The following KAZN variants were observed in gnomAD, a reference collection of about 807,000 sequenced individuals.
The protein encoded by KAZN is kazrin, periplakin interacting protein.
KAZN carries 40 observed loss-of-function variants against 87.4 expected under a neutral mutation model. The observed-to-expected ratio is 0.46, with a 90% CI of 0.36 to 0.60. KAZN has a LOEUF of 0.60. Ranked by LOEUF, KAZN falls within the 20% of genes least tolerant of loss-of-function variation. The pLI is 0.00. For synonymous variants in KAZN, 466 were observed against 458.3 expected (o/e 1.02, Z -0.22); for missense variants, 898 against 1,073.9 (o/e 0.84, Z 2.29).
intron 2 of KAZN, among the ~76,000 whole-genome samples, chr1:14,408,629 T>C (rs1664059926): frequency 6.6e-6 from 1 of 152,192 alleles, no homozygotes; most frequent in African/African-American, 2.4e-5. Flanking sequence ...CTAACCTTCT[T>C]ATAAGGACAC....
chr1:14,548,325 A>G (rs1673297208), intron 2 of KAZN, among the ~76,000 whole-genome samples: 1 of 151,844 alleles, frequency 6.6e-6, no homozygotes. Flanking sequence ...CAGCCTCCCA[A>G]GTAGCTGGGA....
At chr1:14,478,250 G>GAAGGAAGGAAGGA (rs1668870873) in intron 2 of KAZN, among the ~76,000 whole-genome samples, 1 of 53,946 alleles carries the variant, frequency 1.9e-5, no homozygotes, top group Admixed American at 1.9e-4. Flanking sequence ...GGAAGGAAAA[G>GAAGGAAGGAAGGA]AAGGAAGGAA....
At chr1:14,674,058 G>T (rs947766946) in intron 1 of KAZN, among the ~76,000 whole-genome samples, 1 of 152,190 alleles carries the variant, frequency 6.6e-6, no homozygotes, top group Non-Finnish European at 1.5e-5. Flanking sequence ...CTCATCTTAT[G>T]CATGGGGAAA....
chr1:14,512,087 T>G (rs990991963), intron 2 of KAZN, among the ~76,000 whole-genome samples: 1 of 152,124 alleles, frequency 6.6e-6, no homozygotes, highest in South Asian at 2.1e-4. Flanking sequence ...GACATCCAGC[T>G]TTCTTCTCAG....
At chr1:14,645,879 G>A (rs1373122087) in intron 1 of KAZN, among the ~76,000 whole-genome samples, 1 of 152,154 alleles carries the variant, frequency 6.6e-6, no homozygotes, top group African/African-American at 2.4e-5. Flanking sequence ...TGTTGGCTGT[G>A]GATTTGTCAT....
At chr1:14,876,535 T>C (rs1451984043) in intron 1 of KAZN, among the ~76,000 whole-genome samples, 1 of 152,138 alleles carries the variant, frequency 6.6e-6, no homozygotes, top group African/African-American at 2.4e-5. Context: ...TGTGTAGTAG[T>C]TAAGTGGAGG....
chr1:14,168,073 C>T (rs1248607488), intron 1 of KAZN, among the ~76,000 whole-genome samples: 3 of 152,202 alleles, frequency 2.0e-5, no homozygotes, highest in African/African-American at 7.2e-5. Flanking sequence ...TCCTTGGCGC[C>T]GCTTCCTCTT....
intron 8 of KAZN, among the ~76,000 whole-genome samples, chr1:15,074,935 G>T (rs1639672210): frequency 6.6e-6 from 1 of 152,198 alleles, no homozygotes; most frequent in Non-Finnish European, 1.5e-5. Flanking sequence ...CCATGATGAT[G>T]ACCGTGATGA....
intron 1 of KAZN, among the ~76,000 whole-genome samples, chr1:14,172,465 G>A (rs915815535): frequency 6.6e-6 from 1 of 152,152 alleles, no homozygotes; most frequent in African/African-American, 2.4e-5. Context: ...CTTAAATCAG[G>A]GGATACAATG....
At chr1:15,087,532 A>G (rs2100654728) in intron 8 of KAZN, among the ~76,000 whole-genome samples, 1 of 152,130 alleles carries the variant, frequency 6.6e-6, no homozygotes, top group East Asian at 1.9e-4. Context: ...ATCTGGGACT[A>G]CAGGCATGCA....
chr1:14,740,001 G>C (rs990848884), intron 1 of KAZN, among the ~76,000 whole-genome samples: 1 of 152,120 alleles, frequency 6.6e-6, no homozygotes, highest in Non-Finnish European at 1.5e-5. Context: ...AGTTGAGAAC[G>C]GGGGAAAGAA....
intron 1 of KAZN, among the ~76,000 whole-genome samples, chr1:14,922,421 T>C (rs1466637620): frequency 6.6e-6 from 1 of 152,182 alleles, no homozygotes; most frequent in South Asian, 2.1e-4. Context: ...CCAGCATCTC[T>C]GGTCACTTGG....
intron 1 of KAZN, among the ~76,000 whole-genome samples, chr1:14,916,201 G>C (rs1216775524): frequency 7.4e-5 from 8 of 107,676 alleles, no homozygotes; most frequent in African/African-American, 2.9e-4. Flanking sequence ...ACAGAGTCTC[G>C]CTTTGTCACC....
chr1:14,902,116 G>A (rs1232776578), intron 1 of KAZN, among the ~76,000 whole-genome samples: 1 of 152,206 alleles, frequency 6.6e-6, no homozygotes, highest in Admixed American at 6.5e-5. Flanking sequence ...TTCCGTGCAC[G>A]CACTTGAAAA....
At position 14,175,398 on chromosome 1, in the gene KAZN, G is replaced by C. The variant is rs1366063348; in HGVS notation, c.92-5037G>C. On this transcript the variant is annotated intron_variant, in intron 1 of 16. Transcript: ENST00000636203. ...GATTTCAGGCGTGAGCCACCGCGCC[G>C]GGCCCACGGATGGATTCTTAAGCAG... 2.6e-5 allele frequency among the ~76,000 whole-genome samples: 4 copies of C among 152,254 alleles called. No individual in the cohort carries two copies. In the South Asian group the frequency reaches 8.3e-4, roughly 32 times the overall value.
chr1:14,855,818 A>C (rs1344663242), intron 1 of KAZN, among the ~76,000 whole-genome samples: 1 of 152,232 alleles, frequency 6.6e-6, no homozygotes, highest in Non-Finnish European at 1.5e-5. Flanking sequence ...CCACCTCTAA[A>C]GTCTTGCAAC....
intron 2 of KAZN, among the ~76,000 whole-genome samples, chr1:14,424,390 A>G (rs1665597148): frequency 6.6e-6 from 1 of 152,204 alleles, no homozygotes; most frequent in African/African-American, 2.4e-5. Flanking sequence ...AGCAAGTAAC[A>G]GCACCAGGGT....
chr1:14,172,915 C>A (rs780378944), intron 1 of KAZN, among the ~76,000 whole-genome samples: 10 of 152,220 alleles, frequency 6.6e-5, no homozygotes, highest in Non-Finnish European at 1.5e-4. Context: ...TGTGGGCTTC[C>A]TCCAAGTATG....
At chr1:14,584,332 G>C (rs780222298) in intron 2 of KAZN, among the ~76,000 whole-genome samples, 1 of 152,218 alleles carries the variant, frequency 6.6e-6, no homozygotes, top group Non-Finnish European at 1.5e-5. Flanking sequence ...AGGTAAGCCC[G>C]GAGTTGCCTT....
Sources: gnomAD v4.1 joint callset for allele counts (sites outside exome capture counted in the v4.1 genomes callset) on GRCh38, gnomAD v4.1.1 for gene constraint, MANE v1.5 for transcripts, NCBI Gene and HGNC (gene_info 2026-07-23, HGNC 2026-07-21) for gene names.